PPP1R12B: variants seen among roughly 807,000 people sequenced by gnomAD.
The protein encoded by PPP1R12B is protein phosphatase 1 regulatory subunit 12B, also known as myosin phosphatase target subunit 2.
PPP1R12B carries 76 observed loss-of-function variants against 126.1 expected under a neutral mutation model. The observed-to-expected ratio is 0.60, with a 90% CI of 0.50 to 0.73. The LOEUF is 0.73. Among genes scored for constraint, PPP1R12B ranks in the 30% least tolerant of loss-of-function variants. PPP1R12B has a pLI of 0.00. For missense variants in PPP1R12B, 1,052 were observed against 1,205.1 expected (o/e 0.87, Z 1.88); for synonymous variants, 356 against 434.7 (o/e 0.82, Z 2.25).
chr1:202,425,498 G>A (rs1436266875), intron 3 of PPP1R12B, 68 bp from the exon 4 acceptor site: 1 of 1,517,258 alleles, frequency 6.6e-7, no homozygotes, highest in Non-Finnish European at 9.0e-7. Context: ...TTTAATCTAA[G>A]GAAAATATCC....
At chr1:202,420,102 A>C (rs1668560931) in intron 2 of PPP1R12B, among the ~76,000 whole-genome samples, 1 of 152,230 alleles carries the variant, frequency 6.6e-6, no homozygotes, top group Non-Finnish European at 1.5e-5. Context: ...TAGGAACAAA[A>C]GGTAAGGCAG....
At chr1:202,353,629 T>TGTGTGTGTGTGTGTGTGA (rs540599307) in intron 1 of PPP1R12B, among the ~76,000 whole-genome samples, 83 of 138,160 alleles carry the variant, frequency 6.0e-4, no homozygotes, top group African/African-American at 8.1e-4. Flanking sequence ...TGTGTGTGTG[T>TGTGTGTGTGTGTGTGTGA]GACAGGGTCT....
At chr1:202,412,214 G>C in intron 1 of PPP1R12B, among the ~76,000 whole-genome samples, 1 of 152,164 alleles carries the variant, frequency 6.6e-6, no homozygotes, top group East Asian at 1.9e-4. Context: ...TACTTGGAAG[G>C]CTGAGACAGA....
rs747614479 is a variant in PPP1R12B, at chr1:202,493,228, G to A, written c.2056G>A (p.Gly686Arg). The A allele has an allele frequency of 6.2e-7, 1 of 1,613,008 alleles. No homozygotes were observed. The highest frequency in any genetic ancestry group is 1.7e-5 in the Admixed American group (1 of 60,012). Residue 686 changes from glycine to arginine, a missense_variant, in exon 15 of 24, where the codon GGG becomes AGG. Coordinates refer to ENST00000608999, the MANE Select transcript of PPP1R12B (RefSeq NM_002481.4). Reference sequence around the variant, plus strand: ...GCCCACAGACACTGAAGGGCTTGAGGGGAGCCCTGAGAAGCATGAGCCCTC... The same window carrying A: ...GCCCACAGACACTGAAGGGCTTGAGAGGAGCCCTGAGAAGCATGAGCCCTC... ...EKPTDTEGLE[G>R]SPEKHEPSAV... is the part of the protein sequence containing the mutation.
chr1:202,494,445 G>C (rs1679267639), intron 15 of PPP1R12B, among the ~76,000 whole-genome samples: 2 of 152,054 alleles, frequency 1.3e-5, no homozygotes, highest in Non-Finnish European at 2.9e-5. Context: ...TATTGTATAT[G>C]TCTTTATAAA....
intron 15 of PPP1R12B, among the ~76,000 whole-genome samples, 182 bp from the exon 16 acceptor site, chr1:202,495,111 T>C (rs1247886907): frequency 1.3e-5 from 2 of 151,990 alleles, no homozygotes; most frequent in Non-Finnish European, 2.9e-5. Context: ...TTTTTTTTTT[T>C]TGTCTAATTA....
intron 13 of PPP1R12B, among the ~76,000 whole-genome samples, chr1:202,478,156 C>A (rs1007194328): frequency 6.6e-6 from 1 of 152,204 alleles, no homozygotes; most frequent in African/African-American, 2.4e-5. Flanking sequence ...TAGGGGTCAG[C>A]AATATTTTTC....
intron 1 of PPP1R12B, among the ~76,000 whole-genome samples, chr1:202,388,160 A>C (rs1663478215): frequency 2.0e-5 from 3 of 151,460 alleles, no homozygotes. Context: ...AATCCTTAGG[A>C]ATAATTGCCC....
chr1:202,572,049 A>G (rs538570103), intron 23 of PPP1R12B, among the ~76,000 whole-genome samples: 87 of 152,346 alleles, frequency 5.7e-4, no homozygotes, highest in Admixed American at 7.2e-4. Flanking sequence ...TAAAATTGGT[A>G]TGACTGGCCC....
intron 18 of PPP1R12B, chr1:202,527,299 T>C (rs1239944813): frequency 6.6e-6 from 1 of 152,122 alleles, no homozygotes; most frequent in East Asian, 1.9e-4. Context: ...TTGGCAACAA[T>C]AGGGAGAGAG....
chr1:202,495,231 T>TGCTGTC, intron 15 of PPP1R12B, 62 bp from the exon 16 acceptor site: 1 of 1,436,656 alleles, frequency 7.0e-7, no homozygotes, highest in South Asian at 1.5e-5. Flanking sequence ...TGTATAAACC[T>TGCTGTC]GCTGTCCTTA....
chr1:202,554,417 CCTA>C (rs1342238706), intron 18 of PPP1R12B, among the ~76,000 whole-genome samples: 1 of 152,032 alleles, frequency 6.6e-6, no homozygotes, highest in Non-Finnish European at 1.5e-5. Context: ...CTGTGTTACT[CCTA>C]CTGCATCCAA....
intron 13 of PPP1R12B, chr1:202,472,008 C>G: frequency 6.3e-7 from 1 of 1,595,476 alleles, no homozygotes; most frequent in Admixed American, 1.7e-5. Flanking sequence ...GCATCCTGGG[C>G]ATTTCACATC....
chr1:202,588,313 A>G lies in PPP1R12B; in HGVS notation c.*7753A>G, dbSNP rs150824991. On this transcript the variant is annotated 3_prime_UTR_variant, in exon 24 of 24. Transcript: ENST00000608999. ...ATGGATTAACTTCAGTCCACTGTAA[A>G]TACACCTGGGATGGGGTGGGGTTGG... 6.6e-6 allele frequency: 1 copy of G among 152,662 alleles called. No individual in the cohort carries two copies. Among genetic ancestry groups the G allele is most frequent in the African/African-American group, 2.4e-5 (1 of 41,540 alleles). 9.5% of individuals were successfully genotyped at this position (152,662 alleles called of 1,614,324 possible).
intron 19 of PPP1R12B, among the ~76,000 whole-genome samples, chr1:202,561,913 C>T (rs769239124): frequency 6.6e-6 from 1 of 152,194 alleles, no homozygotes; most frequent in African/African-American, 2.4e-5. Context: ...ACATCAGATG[C>T]AATTTTCACA....
intron 8 of PPP1R12B, 63 bp from the exon 9 acceptor site, chr1:202,434,593 A>G: frequency 1.3e-6 from 2 of 1,565,436 alleles, no homozygotes; most frequent in Non-Finnish European, 1.7e-6. Flanking sequence ...GCAGAAAAGG[A>G]CATAGACACA....
In PPP1R12B at chr1:202,348,740, C is replaced by G; in HGVS notation, c.-112C>G. 1 of 1,360,332 alleles carries G rather than the reference C, an allele frequency of 7.4e-7. No homozygotes were observed. The highest frequency in any genetic ancestry group is 9.8e-7 in the Non-Finnish European group (1 of 1,019,824). The allele number at this position is 1,360,332 out of a possible 1,614,324, so 84.3% of individuals were successfully genotyped here. On this transcript the variant is annotated 5_prime_UTR_variant, in exon 1 of 24. Coordinates refer to ENST00000608999, the MANE Select transcript of PPP1R12B (RefSeq NM_002481.4). ...GGAGTAAAGATGGCGGCGCGAGGGT[C>G]TCCGCCCTCTGCTCCGGGCTGAAGC...
At chr1:202,561,923 A>ATCTGGTTGTGATG (rs1687575700) in intron 19 of PPP1R12B, among the ~76,000 whole-genome samples, 1 of 152,192 alleles carries the variant, frequency 6.6e-6, no homozygotes, top group Admixed American at 6.5e-5. Flanking sequence ...CAATTTTCAC[A>ATCTGGTTGTGATG]GTTGTGACTC....
chr1:202,495,595 G>A lies in PPP1R12B; in HGVS notation c.2361G>A (p.Glu787=). The A allele has an allele frequency of 6.2e-7, 1 of 1,614,122 alleles. No individual in the cohort carries two copies. Among genetic ancestry groups the A allele is most frequent in the Non-Finnish European group, 8.5e-7 (1 of 1,180,016 alleles). The change falls in exon 17 of 24, where the codon GAG becomes GAA. Residue 787 remains glutamate, a synonymous_variant. Coordinates refer to ENST00000608999, the MANE Select transcript of PPP1R12B (RefSeq NM_002481.4). The part of the protein sequence containing the change: ...KNENEEADLD[E]QSSKRLSIRE... Reference sequence around the variant, plus strand: ...AGAATGAAGAAGCAGATTTGGATGAGCAGTCCTCTAAGAGGCTGTCCATCC... The same window carrying A: ...AGAATGAAGAAGCAGATTTGGATGAACAGTCCTCTAAGAGGCTGTCCATCC...
Sources: gnomAD v4.1 joint callset for allele counts (sites outside exome capture counted in the v4.1 genomes callset) on GRCh38, gnomAD v4.1.1 for gene constraint, MANE v1.5 for transcripts, NCBI Gene and HGNC (gene_info 2026-07-23, HGNC 2026-07-21) for gene names.